The following CADM2 variants were observed in gnomAD, a reference collection of about 807,000 sequenced individuals.
CADM2 encodes cell adhesion molecule 2.
A neutral mutation model predicts 49.8 loss-of-function variants in CADM2; 12 were observed. The ratio of observed to expected loss-of-function variants is 0.24; its 90% CI spans 0.15 to 0.39. CADM2 has a LOEUF of 0.39. CADM2 is among the 10% of genes least tolerant of loss of function. The pLI is 1.00. For synonymous variants in CADM2, 214 were observed against 175.4 expected (o/e 1.22, Z -1.74); for missense variants, 378 against 492.3 (o/e 0.77, Z 2.20).
intron 1 of CADM2, among the ~76,000 whole-genome samples, chr3:85,032,639 C>T (rs10490895): frequency 0.04 from 6,097 of 152,152 alleles, 150 homozygotes; most frequent in East Asian, 0.096. Context: ...CTTTAATCAT[C>T]GGAGAAGTCT....
chr3:85,791,808 C>G (rs945141785), intron 2 of CADM2, among the ~76,000 whole-genome samples: 1 of 152,142 alleles, frequency 6.6e-6, no homozygotes, highest in Non-Finnish European at 1.5e-5. Context: ...ACTGCAAGCT[C>G]CACCTCCTGG....
intron 2 of CADM2, among the ~76,000 whole-genome samples, chr3:85,786,745 G>T (rs2071012433): frequency 6.6e-6 from 1 of 151,998 alleles, no homozygotes; most frequent in African/African-American, 2.4e-5. Context: ...GTCAGAGAAT[G>T]AAATATTATG....
At chr3:85,658,009 G>A (rs920542591) in intron 1 of CADM2, among the ~76,000 whole-genome samples, 12 of 151,852 alleles carry the variant, frequency 7.9e-5, no homozygotes, top group African/African-American at 2.9e-4. Context: ...ACTTTATTAG[G>A]CAATGGGGAT....
chr3:85,266,182 T>C (rs775235120), intron 1 of CADM2, among the ~76,000 whole-genome samples: 40 of 152,036 alleles, frequency 2.6e-4, no homozygotes, highest in Non-Finnish European at 4.3e-4. Context: ...TGCGGATAAA[T>C]ATGCCATAAA....
chr3:85,121,066 C>G (rs1668780298), intron 1 of CADM2, among the ~76,000 whole-genome samples: 1 of 152,150 alleles, frequency 6.6e-6, no homozygotes. Flanking sequence ...ACCTGTTGTT[C>G]TGCCTTGATT....
chr3:85,568,413 TTCTTTC>T (rs1234323187), intron 1 of CADM2, among the ~76,000 whole-genome samples: 1 of 42,478 alleles, frequency 2.4e-5, no homozygotes, highest in Non-Finnish European at 4.9e-5. Flanking sequence ...CTTTCTTTCT[TTCTTTC>T]TTTCTTTCTT....
At chr3:85,366,113 A>T (rs1306979964) in intron 1 of CADM2, among the ~76,000 whole-genome samples, 7 of 152,222 alleles carry the variant, frequency 4.6e-5, no homozygotes, top group Admixed American at 2.6e-4. Flanking sequence ...CTGTCTGTTC[A>T]TCTGGAATGT....
rs192349089 is a variant in CADM2, at chr3:85,349,116, C to T, written c.62-377406C>T. Among the ~76,000 whole-genome samples the T allele has an allele frequency of 1.1e-3, 173 of 152,222 alleles. 2 individuals carry two copies. Among genetic ancestry groups the T allele is most frequent in the African/African-American group, 3.9e-3 (163 of 41,556 alleles). ...CAAGACATTCTCAATGCAATCATTACCTCCCCTGTTCTAAATGCCATCTTT... is the reference window on the plus strand; with the variant it reads ...CAAGACATTCTCAATGCAATCATTATCTCCCCTGTTCTAAATGCCATCTTT... On this transcript the variant is annotated intron_variant, in intron 1 of 9. Transcript: ENST00000383699.
intron 1 of CADM2, among the ~76,000 whole-genome samples, chr3:85,074,772 C>T (rs2036878712): frequency 6.6e-6 from 1 of 152,030 alleles, no homozygotes; most frequent in Non-Finnish European, 1.5e-5. Context: ...GAGAGGGAGT[C>T]AGGGAACCTA....
At chr3:85,158,957 G>A (rs1028394299) in intron 1 of CADM2, among the ~76,000 whole-genome samples, 12 of 152,050 alleles carry the variant, frequency 7.9e-5, no homozygotes, top group African/African-American at 2.9e-4. Context: ...ATATGTTGAC[G>A]TCTGCGTGTG....
At chr3:85,948,005 G>C (rs1722949844) in intron 7 of CADM2, among the ~76,000 whole-genome samples, 2 of 151,440 alleles carry the variant, frequency 1.3e-5, no homozygotes, top group African/African-American at 4.8e-5. Context: ...ATACATTGAA[G>C]ACACCATTTT....
At chr3:85,595,212 A>T (rs2063209354) in intron 1 of CADM2, among the ~76,000 whole-genome samples, 2 of 151,984 alleles carry the variant, frequency 1.3e-5, no homozygotes, top group African/African-American at 4.8e-5. Flanking sequence ...TACAGATGAA[A>T]TCAGAGGGTT....
At chr3:85,554,472 TGAAA>T (rs916182568) in intron 1 of CADM2, among the ~76,000 whole-genome samples, 1 of 152,100 alleles carries the variant, frequency 6.6e-6, no homozygotes, top group Non-Finnish European at 1.5e-5. Context: ...GCTGAGTAGA[TGAAA>T]GAGACCAAGA....
intron 1 of CADM2, among the ~76,000 whole-genome samples, chr3:85,687,869 T>C (rs957663320): frequency 6.6e-6 from 1 of 152,126 alleles, no homozygotes; most frequent in Non-Finnish European, 1.5e-5. Context: ...CAGCAGGAGG[T>C]GAGCGGGCGA....
chr3:85,938,241 A>G (rs916658016), intron 7 of CADM2, among the ~76,000 whole-genome samples: 1 of 152,080 alleles, frequency 6.6e-6, no homozygotes. Context: ...ACAGTGCCAG[A>G]TGAGGCAGAA....
At chr3:85,666,758 G>A (rs2065581098) in intron 1 of CADM2, among the ~76,000 whole-genome samples, 1 of 151,744 alleles carries the variant, frequency 6.6e-6, no homozygotes, top group African/African-American at 2.4e-5. Flanking sequence ...GGGGAGAAGG[G>A]AAGGAGAACA....
intron 2 of CADM2, among the ~76,000 whole-genome samples, chr3:85,768,006 T>G (rs569294559): frequency 6.6e-6 from 1 of 152,124 alleles, no homozygotes; most frequent in Admixed American, 6.6e-5. Context: ...TATAACTGAT[T>G]ATTGTTCAGA....
chr3:85,975,114 A>G (rs1300537429), intron 8 of CADM2, among the ~76,000 whole-genome samples: 2 of 151,426 alleles, frequency 1.3e-5, no homozygotes, highest in African/African-American at 4.8e-5. Flanking sequence ...GTATAAAGAT[A>G]TATTTAAAGT....
chr3:86,018,752 A>G (rs942458630), intron 8 of CADM2, among the ~76,000 whole-genome samples: 1 of 151,910 alleles, frequency 6.6e-6, no homozygotes. Flanking sequence ...AATTTGTTTG[A>G]GTTCATTGTA....
Sources: gnomAD v4.1 joint callset for allele counts (sites outside exome capture counted in the v4.1 genomes callset) on GRCh38, gnomAD v4.1.1 for gene constraint, MANE v1.5 for transcripts, NCBI Gene and HGNC (gene_info 2026-07-23, HGNC 2026-07-21) for gene names.